Variants in ITGA1 observed in about 807,000 individuals in gnomAD.
The protein encoded by ITGA1 is integrin subunit alpha 1, also known as integrin alpha-1.
ITGA1 carries 85 observed loss-of-function variants against 145.9 expected under a neutral mutation model. The observed-to-expected ratio is 0.58, with a 90% confidence interval of 0.49 to 0.70. The LOEUF (loss-of-function observed/expected upper bound fraction) is 0.70, where lower values mean the gene tolerates loss of function less well. Ranked by LOEUF, ITGA1 falls within the 30% of genes least tolerant of loss-of-function variation. The pLI, the probability that ITGA1 is intolerant of heterozygous loss-of-function variation, is 0.00. For missense variants in ITGA1, 1,351 were observed against 1,418.7 expected, an observed-to-expected ratio of 0.95 and a Z score of 0.77; for synonymous variants, 520 against 495.3, an observed-to-expected ratio of 1.05 and a Z score of -0.66.
chr5:52,840,241 A>G (rs1375646604), intron 1 of ITGA1, among the ~76,000 whole-genome samples: 1 of 152,216 alleles, frequency 6.6e-6, no homozygotes, highest in Non-Finnish European at 1.5e-5. Flanking sequence ...TATACATGCA[A>G]AGGCTTACAA....
In ITGA1 at chr5:52,950,589, T is replaced by C. The variant is rs531472134; in HGVS notation, c.3496-1818T>C. ...AAAACAAACTCTATTGGTTTCAAAT[T>C]TGGGCTAGGATTGGCCCAGTCCATC... On this transcript the variant is annotated intron_variant, in intron 28 of 28. Coordinates refer to ENST00000282588, the MANE Select transcript of ITGA1 (RefSeq NM_181501.2). Among the ~76,000 whole-genome samples the C allele has an allele frequency of 5.9e-5, 9 of 152,322 alleles. No individual in the cohort carries two copies. The South Asian group carries it at 1.9e-3, about 32-fold the overall frequency.
intron 8 of ITGA1, 75 bp from the exon 9 acceptor site, chr5:52,893,600 T>A: frequency 7.3e-7 from 1 of 1,362,554 alleles, no homozygotes. Context: ...TGTTGTTTAC[T>A]GACAAAATGC....
intron 2 of ITGA1, among the ~76,000 whole-genome samples, chr5:52,857,845 G>A (rs1208667588): frequency 6.6e-6 from 1 of 152,068 alleles, no homozygotes; most frequent in Non-Finnish European, 1.5e-5. Flanking sequence ...GAGCCCACTT[G>A]CCTACAGAAG....
chr5:52,814,768 T>A lies in ITGA1; in HGVS notation c.61+26354T>A, dbSNP rs555109575. Among the ~76,000 whole-genome samples the A allele has an allele frequency of 1.1e-4, 16 of 152,202 alleles. No individual in the cohort carries two copies. In the South Asian group the frequency reaches 1.7e-3, roughly 16 times the overall value. On this transcript the variant is annotated intron_variant, in intron 1 of 28. Coordinates refer to ENST00000282588, the MANE Select transcript of ITGA1 (RefSeq NM_181501.2). ...GGGAAAGAAAAAGAATCAGTCCAAT[T>A]GGTAGATTTTAAATGGCTCATTTAA...
At chr5:52,829,125 G>A (rs2111717354) in intron 1 of ITGA1, among the ~76,000 whole-genome samples, 2 of 152,252 alleles carry the variant, frequency 1.3e-5, no homozygotes, top group Admixed American at 1.3e-4. Context: ...CGATACCGGG[G>A]ATTAGGACTT....
At chr5:52,792,066 A>G (rs1748253071) in intron 1 of ITGA1, among the ~76,000 whole-genome samples, 1 of 152,214 alleles carries the variant, frequency 6.6e-6, no homozygotes, top group African/African-American at 2.4e-5. Context: ...TTTTATTTCC[A>G]TGATTTTTAG....
Position 52,831,810 on chromosome 5 carries a change from A to G in ITGA1, c.62-17555A>G, listed in dbSNP as rs1393523666. On this transcript the variant is annotated intron_variant, in intron 1 of 28. Coordinates refer to ENST00000282588, the MANE Select transcript of ITGA1 (RefSeq NM_181501.2). ...CGCTGAATGAATATAACATATTCAT[A>G]ATATAGTCATGTCTATACATTGATT... Among the ~76,000 whole-genome samples, 3 of 152,180 alleles carry G rather than the reference A, an allele frequency of 2.0e-5. No homozygotes were observed. The East Asian group carries it at 5.8e-4, about 29-fold the overall frequency.
At chr5:52,946,951 T>G (rs1032573603) in intron 27 of ITGA1, among the ~76,000 whole-genome samples, 1 of 152,220 alleles carries the variant, frequency 6.6e-6, no homozygotes, top group African/African-American at 2.4e-5. Flanking sequence ...CAGGTTCTTA[T>G]GACAACAAAC....
chr5:52,839,109 A>G (rs1749211164), intron 1 of ITGA1, among the ~76,000 whole-genome samples: 1 of 152,122 alleles, frequency 6.6e-6, no homozygotes, highest in Non-Finnish European at 1.5e-5. Flanking sequence ...AACAAAAACA[A>G]CAACTACAAC....
chr5:52,933,016 C>T (rs960635435), intron 22 of ITGA1: 6 of 151,878 alleles, frequency 4.0e-5, no homozygotes, highest in African/African-American at 1.4e-4. Context: ...TAAATTGACA[C>T]GTAATAATTG....
chr5:52,915,480 G>C lies in ITGA1; in HGVS notation c.1874G>C (p.Gly625Ala). 6.2e-7 allele frequency: 1 copy of C among 1,613,932 alleles called. No individual in the cohort carries two copies. The highest frequency in any genetic ancestry group is 8.5e-7 in the Non-Finnish European group (1 of 1,179,860). ...KEYAQRIPSG[G>A]DGKTLKFFGQ... is the part of the protein sequence containing the mutation. ...TTCTCACAGCGTATTCCATCAGGTG[G>C]GGATGGTAAGACACTGAAATTTTTT... Residue 625 changes from glycine (G) to alanine (A), a missense_variant, in exon 15 of 29, where the codon GGG becomes GCG. Gly to Ala is a moderately conservative substitution (Grantham distance 60). Transcript: ENST00000282588.
chr5:52,893,861 G>T (rs1457994550), intron 9 of ITGA1, 21 bp downstream of exon 9: 4 of 1,575,794 alleles, frequency 2.5e-6, no homozygotes, highest in Non-Finnish European at 3.5e-6. Context: ...TTATCTTATT[G>T]CTGCATGTTC....
intron 23 of ITGA1, among the ~76,000 whole-genome samples, chr5:52,936,546 C>A (rs1750967704): frequency 6.6e-6 from 1 of 152,158 alleles, no homozygotes; most frequent in Non-Finnish European, 1.5e-5. Context: ...GCTAAAGAAG[C>A]TGCACAGGGA....
chr5:52,833,641 G>A (rs1375193558), intron 1 of ITGA1, among the ~76,000 whole-genome samples: 3 of 152,044 alleles, frequency 2.0e-5, no homozygotes, highest in Non-Finnish European at 4.4e-5. Flanking sequence ...ATTTTTGTTG[G>A]TATTGAGTTT....
chr5:52,888,169 CAACA>C lies in ITGA1; in HGVS notation c.924+210_924+213del, dbSNP rs144296904. On this transcript the variant is annotated intron_variant, in intron 8 of 28. Transcript: ENST00000282588. ...CACAATGCCAGGCCAAACAGACACT[CAACA>C]AACAATCATTGAAAGGAAGGAAGGA... Among the ~76,000 whole-genome samples, 1,397 of 150,752 alleles carry C rather than the reference CAACA, an allele frequency of 9.3e-3. 13 individuals carry two copies. Among genetic ancestry groups the C allele is most frequent in the Non-Finnish European group, 0.015 (1,049 of 67,786 alleles).
At chr5:52,926,138 A>T (rs1750802470) in intron 19 of ITGA1, among the ~76,000 whole-genome samples, 2 of 152,110 alleles carry the variant, frequency 1.3e-5, no homozygotes, top group Non-Finnish European at 2.9e-5. Context: ...TATTAAAAGC[A>T]ATGCACTTAT....
At chr5:52,939,494 G>C in intron 24 of ITGA1, 96 bp from the exon 25 acceptor site, 1 of 773,598 alleles carries the variant, frequency 1.3e-6, no homozygotes, top group South Asian at 1.7e-5. Context: ...ATATGGCAAT[G>C]GCTGTCATTC....
intron 1 of ITGA1, among the ~76,000 whole-genome samples, chr5:52,810,030 C>T (rs914824742): frequency 7.3e-6 from 1 of 136,626 alleles, no homozygotes; most frequent in African/African-American, 3.0e-5. Flanking sequence ...TAATAGTATC[C>T]ATGTTTTTGT....
Position 52,910,238 on chromosome 5 carries a change from C to T in ITGA1, c.1676C>T (p.Thr559Ile). 7 of 1,613,932 alleles carry T rather than the reference C, an allele frequency of 4.3e-6. No homozygotes were observed. The highest frequency in any genetic ancestry group is 5.9e-6 in the Non-Finnish European group (7 of 1,179,906). The part of the protein sequence containing the change: ...CCSSRQHNSC[T>I]TENKNEPCGA... ...TCATCTCGGCAGCACAATTCATGCA[C>T]AACAGAAAACAAAAATGAGCCATGC... The change falls in exon 14 of 29, where the codon ACA becomes ATA. Residue 559 changes from threonine (T) to isoleucine (I), a missense_variant. Coordinates refer to ENST00000282588, the MANE Select transcript of ITGA1 (RefSeq NM_181501.2).
Sources: allele counts gnomAD v4.1 joint callset (sites outside exome capture counted in the v4.1 genomes callset), GRCh38; gene constraint gnomAD v4.1.1; transcripts MANE v1.5; gene names NCBI Gene and HGNC (gene_info 2026-07-23, HGNC 2026-07-21).